PCDHGA3: variants seen among roughly 807,000 people sequenced by gnomAD.
The protein encoded by PCDHGA3 is protocadherin gamma subfamily A, 3, also known as protocadherin gamma-A3.
Under a neutral mutation model 58.5 loss-of-function variants are expected in PCDHGA3, and 40 were observed. The ratio of observed to expected loss-of-function variants is 0.68; its 90% confidence interval spans 0.53 to 0.89. The LOEUF (loss-of-function observed/expected upper bound fraction) is 0.89. Among genes scored for constraint, PCDHGA3 ranks in the 40% least tolerant of loss-of-function variants. The probability of loss-of-function intolerance (pLI) is 0.00; values close to 1 mark genes in which losing one functional copy is unlikely to be tolerated. For synonymous variants in PCDHGA3, 530 were observed against 525.7 expected (o/e 1.01, Z -0.11); for missense variants, 1,223 against 1,195.9 (o/e 1.02, Z -0.33).
rs1363449 is a variant in PCDHGA3, at chr5:141,413,826, C to T, written c.2424+67369C>T. On this transcript the variant is annotated intron_variant, in intron 1 of 3. Coordinates refer to ENST00000253812, the MANE Select transcript of PCDHGA3 (RefSeq NM_018916.4). ...AGGCCATTCACCACCTGGTCCTCAC[C>T]GCCTCCGACGGGGGTGACCCTCTCC... 4,050 of 1,613,180 alleles carry T rather than the reference C, an allele frequency of 2.5e-3. 115 individuals are homozygous for T. In the African/African-American group the frequency reaches 0.047, roughly 19 times the overall value.
At chr5:141,468,154 G>A (rs1374898668) in intron 1 of PCDHGA3, among the ~76,000 whole-genome samples, 2 of 151,838 alleles carry the variant, frequency 1.3e-5, no homozygotes, top group African/African-American at 2.4e-5. Flanking sequence ...GTGAAACCCT[G>A]TCTCTGCTAA....
At chr5:141,409,709 T>G (rs1328690143) in intron 1 of PCDHGA3, 2 of 1,613,198 alleles carry the variant, frequency 1.2e-6, no homozygotes, top group Non-Finnish European at 8.5e-7. Context: ...GGCGGTGTCG[T>G]CATACGTGTC....
chr5:141,385,110 C>G (rs1315178545), intron 1 of PCDHGA3: 2 of 1,614,194 alleles, frequency 1.2e-6, no homozygotes, highest in South Asian at 2.2e-5. Flanking sequence ...ACGTGCCCAC[C>G]TCGCACTTTG....
At chr5:141,495,095 G>C (rs67264863) in intron 2 of PCDHGA3, among the ~76,000 whole-genome samples, 9,751 of 152,126 alleles carry the variant, frequency 0.064, 363 homozygotes, top group South Asian at 0.11. Context: ...TTCCCTCCTC[G>C]CCACGACCGG....
At chr5:141,414,106 C>G (rs1424739885) in intron 1 of PCDHGA3, 2 of 1,592,536 alleles carry the variant, frequency 1.3e-6, no homozygotes, top group Non-Finnish European at 1.7e-6. Context: ...ATCAGAAAAT[C>G]TAGATTATGA....
chr5:141,418,126 A>G (rs2096226975), intron 1 of PCDHGA3: 3 of 1,613,994 alleles, frequency 1.9e-6, no homozygotes, highest in Non-Finnish European at 2.5e-6. Context: ...TGAAGGACCG[A>G]ATAGACCGTG....
chr5:141,483,869 G>A (rs2099587910), intron 1 of PCDHGA3, among the ~76,000 whole-genome samples: 1 of 152,126 alleles, frequency 6.6e-6, no homozygotes, highest in South Asian at 2.1e-4. Flanking sequence ...GTCCAGATCA[G>A]GATGGATTTT....
rs879045129 is a variant in PCDHGA3, at chr5:141,366,878, A to T, written c.2424+20421A>T. 2.5e-5 allele frequency: 33 copies of T among 1,341,426 alleles called. No homozygotes were observed. The South Asian group carries it at 4.2e-4, about 17-fold the overall frequency. The allele number at this position is 1,341,426 out of a possible 1,614,324, so 83.1% of individuals were successfully genotyped here. On this transcript the variant is annotated intron_variant, in intron 1 of 3. Transcript: ENST00000253812. Reference sequence around the variant, plus strand: ...ACATTATTTGCTGTATTGGAGATTAATTTTTTTTATATAATTCATGCTTTC... The same window carrying T: ...ACATTATTTGCTGTATTGGAGATTATTTTTTTTTATATAATTCATGCTTTC...
chr5:141,390,286 G>A (rs1043842292), intron 1 of PCDHGA3: 2 of 1,613,848 alleles, frequency 1.2e-6, no homozygotes, highest in Non-Finnish European at 1.7e-6. Flanking sequence ...CATCAGGTGA[G>A]TTTCCTTTAA....
At chr5:141,388,216 A>G (rs1391427454) in intron 1 of PCDHGA3, 1 of 1,598,862 alleles carries the variant, frequency 6.3e-7, no homozygotes, top group African/African-American at 1.4e-5. Flanking sequence ...GCTGTTGCTG[A>G]AAATCCACTG....
intron 1 of PCDHGA3, chr5:141,356,111 T>C: frequency 1.2e-6 from 2 of 1,613,818 alleles, no homozygotes; most frequent in Non-Finnish European, 1.7e-6. Flanking sequence ...ATAACAATAT[T>C]GGGGGGTCTA....
intron 1 of PCDHGA3, among the ~76,000 whole-genome samples, chr5:141,354,019 T>C (rs1188791033): frequency 6.6e-6 from 1 of 152,226 alleles, no homozygotes; most frequent in Non-Finnish European, 1.5e-5. Flanking sequence ...CTGTAAGTAT[T>C]CATAAGAAAG....
At chr5:141,404,795 G>C (rs769293241) in intron 1 of PCDHGA3, 4 of 1,614,042 alleles carry the variant, frequency 2.5e-6, no homozygotes, top group Admixed American at 1.7e-5. Flanking sequence ...CAGTGAGCCA[G>C]GGCTCTTCTC....
In PCDHGA3 at chr5:141,350,557, T is replaced by C. The variant is rs372944053; in HGVS notation, c.2424+4100T>C. On this transcript the variant is annotated intron_variant, in intron 1 of 3. Transcript: ENST00000253812. ...AGATTTGCGGAAGGAAACTTGAGTG[T>C]GCACTAGAATTCGAAACGGTCGCTG... The C allele has an allele frequency of 6.8e-6, 11 of 1,614,060 alleles. No individual in the cohort carries two copies. The African/African-American group carries it at 1.5e-4, about 22-fold the overall frequency.
chr5:141,356,171 G>A, intron 1 of PCDHGA3: 1 of 1,612,890 alleles, frequency 6.2e-7, no homozygotes, highest in South Asian at 1.1e-5. Context: ...GCCCATGATG[G>A]GCCTGGTCTC....
chr5:141,414,310 G>C, intron 1 of PCDHGA3: 1 of 1,613,722 alleles, frequency 6.2e-7, no homozygotes, highest in Non-Finnish European at 8.5e-7. Context: ...GCATGATTTA[G>C]ACTCTGAGCA....
chr5:141,366,539 G>A, intron 1 of PCDHGA3: 1 of 1,614,248 alleles, frequency 6.2e-7, no homozygotes, highest in Non-Finnish European at 8.5e-7. Flanking sequence ...GGGTGTGCCC[G>A]CCTCGCACTT....
At chr5:141,470,548 A>G (rs2099232978) in intron 1 of PCDHGA3, among the ~76,000 whole-genome samples, 1 of 152,182 alleles carries the variant, frequency 6.6e-6, no homozygotes, top group Non-Finnish European at 1.5e-5. Context: ...ATATTTATTG[A>G]GAGTTTCCTC....
chr5:141,374,563 T>G, intron 1 of PCDHGA3: 1 of 1,613,710 alleles, frequency 6.2e-7, no homozygotes, highest in South Asian at 1.1e-5. Context: ...TCTATGACCC[T>G]GATGTGGGAA....
Sources: gnomAD v4.1 joint callset for allele counts (sites outside exome capture counted in the v4.1 genomes callset) on GRCh38, gnomAD v4.1.1 for gene constraint, MANE v1.5 for transcripts, NCBI Gene and HGNC (gene_info 2026-07-23, HGNC 2026-07-21) for gene names.